JAK2: variants seen among roughly 807,000 people sequenced by gnomAD.
JAK2 encodes Janus kinase 2.
Under a neutral mutation model 139.3 loss-of-function variants are expected in JAK2, and 86 were observed. The ratio of observed to expected loss-of-function variants is 0.62; its 90% CI spans 0.52 to 0.74. JAK2 has a LOEUF of 0.74. Among genes scored for constraint, JAK2 ranks in the 30% least tolerant of loss-of-function variants. JAK2 has a pLI of 0.00. For missense variants in JAK2, 1,421 were observed against 1,360.3 expected, an observed-to-expected ratio of 1.04 and a Z score of -0.70; for synonymous variants, 490 against 437.7, an observed-to-expected ratio of 1.12 and a Z score of -1.49.
chr9:5,038,628 T>C (rs1053303872), intron 4 of JAK2, among the ~76,000 whole-genome samples: 8 of 151,806 alleles, frequency 5.3e-5, no homozygotes, highest in South Asian at 2.1e-4. Flanking sequence ...TTTAGAATAT[T>C]TGCAGAGTAT....
intron 12 of JAK2, 55 bp from the exon 13 acceptor site, chr9:5,072,437 C>T (rs1485896069): frequency 2.1e-5 from 29 of 1,351,172 alleles, no homozygotes; most frequent in Non-Finnish European, 2.7e-5. Context: ...TTTTCTTGTT[C>T]CTACTTCGTT....
chr9:5,069,131 A>C lies in JAK2; in HGVS notation c.1436A>C (p.Asn479Thr), dbSNP rs932450678. 2.5e-6 allele frequency: 4 copies of C among 1,613,250 alleles called. No individual in the cohort carries two copies. In the African/African-American group the frequency reaches 5.3e-5, roughly 22 times the overall value. ...KNFSSLKDLL[N>T]CYQMETVRSD... ...TTCAGCAGTCTTAAAGATCTTTTGA[A>C]TTGTTACCAGATGGAAACTGTTCGC... Residue 479 changes from asparagine (N) to threonine (T), a missense_variant, in exon 11 of 25, where the codon AAT (asparagine) becomes ACT (threonine). Transcript: ENST00000381652.
At chr9:5,114,053 C>T in intron 22 of JAK2, 1 of 329,088 alleles carries the variant, frequency 3.0e-6, no homozygotes, top group Non-Finnish European at 6.1e-6. Flanking sequence ...ATGAGCTGGC[C>T]TCCACACAAA....
At chr9:5,022,252 G>C in intron 3 of JAK2, 39 bp downstream of exon 3, 1 of 1,414,260 alleles carries the variant, frequency 7.1e-7, no homozygotes, top group East Asian at 2.3e-5. Context: ...TTTATGCATG[G>C]ATTGTTTTAA....
chr9:5,043,854 A>C (rs1381551766), intron 4 of JAK2, among the ~76,000 whole-genome samples: 1 of 152,230 alleles, frequency 6.6e-6, no homozygotes, highest in South Asian at 2.1e-4. Context: ...CAGAAAGGCC[A>C]CATGTTCTAA....
intron 3 of JAK2, among the ~76,000 whole-genome samples, chr9:5,028,332 G>A (rs1291728244): frequency 2.0e-5 from 3 of 152,118 alleles, no homozygotes; most frequent in Non-Finnish European, 2.9e-5. Flanking sequence ...TCTCAACGGT[G>A]GCTTAAAATA....
intron 22 of JAK2, among the ~76,000 whole-genome samples, chr9:5,118,516 G>C (rs994076632): frequency 6.6e-6 from 1 of 152,128 alleles, no homozygotes; most frequent in Admixed American, 6.6e-5. Context: ...AACAAATTTG[G>C]ATAATTGCTT....
At chr9:5,043,345 A>G (rs924967655) in intron 4 of JAK2, among the ~76,000 whole-genome samples, 1 of 152,220 alleles carries the variant, frequency 6.6e-6, no homozygotes, top group Non-Finnish European at 1.5e-5. Flanking sequence ...ACCCTCCGAA[A>G]AAAAGATGCC....
chr9:5,027,751 A>T (rs1259669346), intron 3 of JAK2, among the ~76,000 whole-genome samples: 1 of 152,244 alleles, frequency 6.6e-6, no homozygotes, highest in Non-Finnish European at 1.5e-5. Context: ...CAGCATCTTC[A>T]CCAGGAATAG....
intron 2 of JAK2, among the ~76,000 whole-genome samples, chr9:4,991,029 T>C (rs1280715297): frequency 6.6e-6 from 1 of 152,240 alleles, no homozygotes; most frequent in Non-Finnish European, 1.5e-5. Context: ...CTGTGTTTTT[T>C]TCTGAATGAT....
At chr9:5,094,272 A>C (rs762267822) in intron 22 of JAK2, 1 of 152,152 alleles carries the variant, frequency 6.6e-6, no homozygotes, top group Non-Finnish European at 1.5e-5. Context: ...CTCAACGTCT[A>C]CTGTTACCCT....
chr9:4,995,062 T>C (rs968684931), intron 2 of JAK2, among the ~76,000 whole-genome samples: 11 of 152,240 alleles, frequency 7.2e-5, no homozygotes, highest in African/African-American at 1.7e-4. Flanking sequence ...TACCAAGTTA[T>C]GCTTTTCTAC....
At chr9:5,014,969 T>C (rs1821948370) in intron 2 of JAK2, among the ~76,000 whole-genome samples, 2 of 152,156 alleles carry the variant, frequency 1.3e-5, no homozygotes, top group South Asian at 4.1e-4. Flanking sequence ...AACACATGTA[T>C]ATGCCTAAAC....
chr9:5,056,367 C>G (rs542025207), intron 8 of JAK2, among the ~76,000 whole-genome samples: 1 of 151,896 alleles, frequency 6.6e-6, no homozygotes, highest in Non-Finnish European at 1.5e-5. Context: ...TCTCATTTAT[C>G]TTCTCTGTCT....
At chr9:5,013,346 A>G (rs1269714851) in intron 2 of JAK2, among the ~76,000 whole-genome samples, 1 of 152,266 alleles carries the variant, frequency 6.6e-6, no homozygotes, top group East Asian at 1.9e-4. Flanking sequence ...ATCTACTTGG[A>G]CTATAAAATT....
intron 2 of JAK2, among the ~76,000 whole-genome samples, chr9:5,019,422 G>A (rs1265050969): frequency 6.6e-6 from 1 of 151,888 alleles, no homozygotes; most frequent in African/African-American, 2.4e-5. Context: ...ATTTCTCATT[G>A]ATATCCTGAG....
intron 2 of JAK2, among the ~76,000 whole-genome samples, chr9:4,992,982 T>G (rs1265310038): frequency 6.6e-6 from 1 of 152,210 alleles, no homozygotes; most frequent in Admixed American, 6.5e-5. Context: ...CCAACCCATA[T>G]AAATTGCTTT....
At chr9:5,116,646 T>C (rs1823200950) in intron 22 of JAK2, among the ~76,000 whole-genome samples, 1 of 152,192 alleles carries the variant, frequency 6.6e-6, no homozygotes, top group African/African-American at 2.4e-5. Context: ...CTAATAAATA[T>C]TTATTAAGAC....
At chr9:5,105,982 C>A (rs950605500) in intron 22 of JAK2, among the ~76,000 whole-genome samples, 1 of 146,810 alleles carries the variant, frequency 6.8e-6, no homozygotes, top group African/African-American at 2.4e-5. Context: ...CTAGGCAATA[C>A]CATTCAGGAC....
Sources: gnomAD v4.1 joint callset for allele counts (sites outside exome capture counted in the v4.1 genomes callset) on GRCh38, gnomAD v4.1.1 for gene constraint, MANE v1.5 for transcripts, NCBI Gene and HGNC (gene_info 2026-07-23, HGNC 2026-07-21) for gene names.